The following CTNND2 variants were observed in gnomAD, a reference collection of about 807,000 sequenced individuals.
CTNND2 encodes the protein catenin delta 2.
A neutral mutation model predicts 144.4 loss-of-function variants in CTNND2; 22 were observed. That is an observed-to-expected ratio of 0.15 (90% CI 0.11 to 0.22). The LOEUF (loss-of-function observed/expected upper bound fraction) is 0.22, where lower values mean the gene tolerates loss of function less well. CTNND2 is among the 10% of genes least tolerant of loss of function. The pLI is 1.00. For synonymous variants in CTNND2, 751 were observed against 695.6 expected (o/e 1.08, Z -1.25); for missense variants, 1,353 against 1,618.8 (o/e 0.84, Z 2.82).
chr5:11,781,804 G>A (rs538600252), intron 1 of CTNND2, among the ~76,000 whole-genome samples: 15 of 152,058 alleles, frequency 9.9e-5, no homozygotes, highest in East Asian at 1.9e-4. Context: ...TCTTCTCCCC[G>A]TGTATTTTGG....
chr5:11,564,884 T>C (rs1287243386), intron 3 of CTNND2, 60 bp downstream of exon 3: 6 of 1,186,448 alleles, frequency 5.1e-6, no homozygotes, highest in Non-Finnish European at 6.2e-6. Context: ...AAGAGAAACA[T>C]CACGATTTAC....
At position 11,450,626 on chromosome 5, in the gene CTNND2, G is replaced by A. The variant is rs542118082; in HGVS notation, c.288-38557C>T. 1.2e-4 allele frequency among the ~76,000 whole-genome samples: 19 copies of A among 152,252 alleles called. No homozygotes were observed. In the East Asian group the frequency reaches 2.3e-3, roughly 19 times the overall value. ...CTTAAAAATGCGTCCCAGGCTGGGC[G>A]TGGTGGCTCATGCCTGTAATCCCAG... On this transcript the variant is annotated intron_variant, in intron 3 of 21. Coordinates refer to ENST00000304623, the MANE Select transcript of CTNND2 (RefSeq NM_001332.4).
chr5:11,032,709 C>T (rs1028488889), intron 16 of CTNND2, among the ~76,000 whole-genome samples: 1 of 152,028 alleles, frequency 6.6e-6, no homozygotes, highest in South Asian at 2.1e-4. Flanking sequence ...TGTGCTACAA[C>T]GTGAAAAGAT....
chr5:11,752,023 T>C (rs1205256693), intron 1 of CTNND2, among the ~76,000 whole-genome samples: 1 of 151,886 alleles, frequency 6.6e-6, no homozygotes, highest in East Asian at 1.9e-4. Flanking sequence ...TTGAAAAGTG[T>C]CTGTTCATGT....
intron 3 of CTNND2, among the ~76,000 whole-genome samples, chr5:11,547,533 G>A (rs959033567): frequency 2.0e-5 from 3 of 151,978 alleles, no homozygotes; most frequent in African/African-American, 4.8e-5. Context: ...TAACAGATTA[G>A]TATTCAAATA....
intron 18 of CTNND2, among the ~76,000 whole-genome samples, chr5:11,014,901 C>G (rs908658514): frequency 7.2e-5 from 11 of 152,176 alleles, no homozygotes; most frequent in African/African-American, 2.4e-4. Context: ...CCTAATTATG[C>G]AAACTCCATA....
chr5:11,623,574 G>A (rs1024627291), intron 2 of CTNND2, among the ~76,000 whole-genome samples: 5 of 151,354 alleles, frequency 3.3e-5, no homozygotes, highest in African/African-American at 9.7e-5. Flanking sequence ...GTGTGAAAAT[G>A]GACTAATACA....
intron 10 of CTNND2, among the ~76,000 whole-genome samples, chr5:11,234,787 T>A (rs564912983): frequency 6.6e-6 from 1 of 152,320 alleles, no homozygotes; most frequent in East Asian, 1.9e-4. Flanking sequence ...TATCTCTTGA[T>A]GTTTGACTTC....
intron 3 of CTNND2, among the ~76,000 whole-genome samples, chr5:11,515,610 A>G (rs2150031528): frequency 1.3e-5 from 2 of 152,334 alleles, no homozygotes; most frequent in Middle Eastern, 6.8e-3. Flanking sequence ...GCAAATCACG[A>G]AGTATGCAAT....
intron 2 of CTNND2, among the ~76,000 whole-genome samples, chr5:11,565,464 T>C (rs897865366): frequency 2.6e-5 from 4 of 152,246 alleles, no homozygotes; most frequent in African/African-American, 4.8e-5. Flanking sequence ...TTTTGGAGTT[T>C]TGTGTTTATT....
chr5:11,743,699 C>T (rs1354774871), intron 1 of CTNND2, among the ~76,000 whole-genome samples: 1 of 152,088 alleles, frequency 6.6e-6, no homozygotes, highest in African/African-American at 2.4e-5. Flanking sequence ...GGCGGCTACA[C>T]AGGTCATTTG....
chr5:11,225,533 A>G (rs1245050876), intron 10 of CTNND2, among the ~76,000 whole-genome samples: 1 of 152,082 alleles, frequency 6.6e-6, no homozygotes, highest in South Asian at 2.1e-4. Flanking sequence ...TCCTTTGACC[A>G]TTTCATAGAT....
chr5:11,614,914 G>C (rs1780509518), intron 2 of CTNND2, among the ~76,000 whole-genome samples: 1 of 152,144 alleles, frequency 6.6e-6, no homozygotes, highest in Non-Finnish European at 1.5e-5. Context: ...TAAGGTCCTT[G>C]TGAGAACTAA....
intron 3 of CTNND2, among the ~76,000 whole-genome samples, chr5:11,450,551 A>G (rs1765209656): frequency 6.6e-6 from 1 of 152,188 alleles, no homozygotes. Flanking sequence ...GCAGGTCCTC[A>G]TCTAGCTTTA....
chr5:11,502,466 T>C (rs1264222379), intron 3 of CTNND2, among the ~76,000 whole-genome samples: 1 of 152,194 alleles, frequency 6.6e-6, no homozygotes, highest in African/African-American at 2.4e-5. Context: ...TATCAGCACA[T>C]GGTTGAGACC....
chr5:11,463,606 C>T (rs1300808446), intron 3 of CTNND2, among the ~76,000 whole-genome samples: 3 of 151,498 alleles, frequency 2.0e-5, no homozygotes, highest in African/African-American at 7.3e-5. Context: ...GCCAAGAGTG[C>T]GGTATGATAA....
chr5:11,892,123 T>C (rs1235287416), intron 1 of CTNND2, among the ~76,000 whole-genome samples: 1 of 152,238 alleles, frequency 6.6e-6, no homozygotes, highest in Non-Finnish European at 1.5e-5. Flanking sequence ...ACACCTTACA[T>C]TGTGTCTATA....
At chr5:11,290,667 T>C (rs562453944) in intron 9 of CTNND2, among the ~76,000 whole-genome samples, 63 of 152,336 alleles carry the variant, frequency 4.1e-4, no homozygotes, top group East Asian at 3.7e-3. Context: ...GTACGTTTCA[T>C]AGAGAACATC....
intron 3 of CTNND2, among the ~76,000 whole-genome samples, chr5:11,553,882 T>A (rs989700478): frequency 6.6e-5 from 10 of 152,200 alleles, no homozygotes; most frequent in Admixed American, 6.5e-4. Flanking sequence ...AGATGTAAAA[T>A]TAATATTAGC....
Sources: gnomAD v4.1 joint callset for allele counts (sites outside exome capture counted in the v4.1 genomes callset) on GRCh38, gnomAD v4.1.1 for gene constraint, MANE v1.5 for transcripts, NCBI Gene and HGNC (gene_info 2026-07-23, HGNC 2026-07-21) for gene names.